SPAG17: variants seen among roughly 807,000 people sequenced by gnomAD.
The protein encoded by SPAG17 is sperm associated antigen 17, also known as sperm-associated antigen 17.
In SPAG17, 169 loss-of-function variants were observed where a neutral mutation model predicts 273.6. The observed-to-expected ratio is 0.62, with a 90% CI of 0.55 to 0.70. The LOEUF is 0.70. Ranked by LOEUF, SPAG17 falls within the 30% of genes least tolerant of loss-of-function variation. The pLI is 0.00. For synonymous variants in SPAG17, 825 were observed against 873.2 expected (o/e 0.94, Z 0.97); for missense variants, 2,557 against 2,627.8 (o/e 0.97, Z 0.59).
chr1:117,988,238 A>C, intron 38 of SPAG17, 34 bp from the exon 39 acceptor site: 2 of 1,474,034 alleles, frequency 1.4e-6, no homozygotes, highest in Non-Finnish European at 1.8e-6. Context: ...TTTTATCCCC[A>C]CTTCTTTATA....
chr1:118,006,529 A>G (rs934818666), intron 31 of SPAG17, among the ~76,000 whole-genome samples: 3 of 152,174 alleles, frequency 2.0e-5, no homozygotes, highest in Admixed American at 6.5e-5. Context: ...CAGTTTTGCT[A>G]TTATTAAAGA....
intron 10 of SPAG17, among the ~76,000 whole-genome samples, chr1:118,090,992 G>T (rs1318599975): frequency 1.3e-5 from 2 of 152,044 alleles, no homozygotes; most frequent in African/African-American, 2.4e-5. Flanking sequence ...CCAAATCCTG[G>T]TTCTTTGAAA....
At chr1:118,132,984 G>T (rs1412340641) in intron 3 of SPAG17, among the ~76,000 whole-genome samples, 1 of 152,040 alleles carries the variant, frequency 6.6e-6, no homozygotes, top group Non-Finnish European at 1.5e-5. Context: ...TGTTGGCCAG[G>T]ATGGTCTCGA....
At chr1:118,167,926 C>T (rs943650914) in intron 1 of SPAG17, among the ~76,000 whole-genome samples, 3 of 152,104 alleles carry the variant, frequency 2.0e-5, no homozygotes, top group Non-Finnish European at 2.9e-5. Context: ...AAGTGTGTGG[C>T]ATGGCATCTC....
chr1:118,053,470 T>C (rs1180904628), intron 20 of SPAG17, among the ~76,000 whole-genome samples: 3 of 152,024 alleles, frequency 2.0e-5, no homozygotes, highest in South Asian at 4.1e-4. Flanking sequence ...AAGGAATAAA[T>C]GGGTGCCTAA....
chr1:118,144,392 C>A lies in SPAG17; in HGVS notation c.315+6151G>T, dbSNP rs963082161. 2.0e-5 allele frequency among the ~76,000 whole-genome samples: 3 copies of A among 152,168 alleles called. No individual in the cohort carries two copies. In the East Asian group the frequency reaches 5.8e-4, roughly 29 times the overall value. ...GTAACTCTTCATAGCCCTTTGTAAC[C>A]GTTTCTAGCATTACTATTTCTCCTC... On this transcript the variant is annotated intron_variant, in intron 3 of 48. Transcript: ENST00000336338.
At chr1:118,101,488 G>A (rs1395265696) in intron 5 of SPAG17, among the ~76,000 whole-genome samples, 1 of 152,140 alleles carries the variant, frequency 6.6e-6, no homozygotes, top group African/African-American at 2.4e-5. Context: ...GGTGTCATGG[G>A]AGTAAGTGAT....
rs767349010 is a variant in SPAG17 at position 118,012,270 on chromosome 1, C to T, written c.4390G>A (p.Val1464Ile). 5.7e-5 allele frequency: 92 copies of T among 1,613,458 alleles called. No homozygotes were observed. Among genetic ancestry groups the T allele is most frequent in the Non-Finnish European group, 7.6e-5 (90 of 1,179,722 alleles). Reference sequence around the variant, plus strand: ...GGCAGAATAATTTGATCTTCATAAACTTGATAAAAGGTTGTGATTCTGGTA... The same window carrying T: ...GGCAGAATAATTTGATCTTCATAAATTTGATAAAAGGTTGTGATTCTGGTA... ...DGTRITTFYQ[V>I]YEDQIILPDD... Residue 1464 changes from valine (V) to isoleucine (I), a missense_variant, in exon 30 of 49, where the codon GTT (valine) becomes ATT (isoleucine). Val to Ile is a conservative substitution (Grantham distance 29, BLOSUM62 3). Transcript: ENST00000336338.
chr1:117,977,027 A>G (rs745550985), intron 43 of SPAG17, among the ~76,000 whole-genome samples: 1 of 152,108 alleles, frequency 6.6e-6, no homozygotes, highest in Non-Finnish European at 1.5e-5. Flanking sequence ...TAAAATATTC[A>G]GGCTGGGCAC....
At chr1:118,077,562 G>A (rs945929366) in intron 15 of SPAG17, among the ~76,000 whole-genome samples, 1 of 151,896 alleles carries the variant, frequency 6.6e-6, no homozygotes, top group Non-Finnish European at 1.5e-5. Flanking sequence ...ACAAAACAAA[G>A]AAAACACCTT....
At chr1:118,117,521 A>G (rs1393426487) in intron 3 of SPAG17, among the ~76,000 whole-genome samples, 2 of 152,248 alleles carry the variant, frequency 1.3e-5, no homozygotes, top group East Asian at 3.8e-4. Flanking sequence ...TCAAACAAAA[A>G]TCTGGCACAG....
intron 30 of SPAG17, among the ~76,000 whole-genome samples, chr1:118,010,253 G>A (rs1659335556): frequency 6.6e-6 from 1 of 151,740 alleles, no homozygotes. Flanking sequence ...AAAATGATAA[G>A]TACAAAGAAC....
intron 1 of SPAG17, among the ~76,000 whole-genome samples, chr1:118,157,596 A>G (rs1458549999): frequency 1.3e-5 from 2 of 152,112 alleles, no homozygotes; most frequent in African/African-American, 2.4e-5. Flanking sequence ...CTGCCAACAA[A>G]TGACTAGATT....
rs192173690 is a variant in SPAG17 at position 118,107,418 on chromosome 1, C to T, written c.448-5492G>A. 4.5e-4 allele frequency among the ~76,000 whole-genome samples: 69 copies of T among 152,276 alleles called. No individual in the cohort carries two copies. The Middle Eastern group carries it at 0.017, about 38-fold the overall frequency. On this transcript the variant is annotated intron_variant, in intron 4 of 48. Coordinates refer to ENST00000336338, the MANE Select transcript of SPAG17 (RefSeq NM_206996.4). ...TCCCATTCTTTTTGCCTTTGCATTC[C>T]TCTAGCAAGGCCAAACTTGGGAGAC... is the stretch of plus-strand genomic sequence containing the variant.
At chr1:118,066,460 G>T (rs1034408708) in intron 18 of SPAG17, among the ~76,000 whole-genome samples, 1 of 152,058 alleles carries the variant, frequency 6.6e-6, no homozygotes, top group African/African-American at 2.4e-5. Flanking sequence ...AGTTTTACTG[G>T]AATCTAAATG....
chr1:118,178,517 C>G (rs1268015366), intron 1 of SPAG17, among the ~76,000 whole-genome samples: 5 of 151,886 alleles, frequency 3.3e-5, no homozygotes, highest in Non-Finnish European at 7.4e-5. Context: ...CCTCTAAGAT[C>G]TGGAATAGGA....
chr1:118,053,877 C>T, intron 20 of SPAG17, 125 bp downstream of exon 20: 2 of 629,182 alleles, frequency 3.2e-6, no homozygotes, highest in Non-Finnish European at 2.7e-6. Context: ...CTCCAGCTTC[C>T]AGGAAGCCAT....
rs1651602589 is a variant in SPAG17, at chr1:118,055,775, G to C, written c.2680C>G (p.Leu894Val). The C allele has an allele frequency of 6.2e-7, 1 of 1,612,650 alleles. No homozygotes were observed. The highest frequency in any genetic ancestry group is 8.5e-7 in the Non-Finnish European group (1 of 1,179,596). Residue 894 changes from leucine to valine, a missense_variant, in exon 19 of 49, where the codon CTT becomes GTT. Transcript: ENST00000336338. ...GAAAAAATTTTGCTAGCAGAAGTAAGTTTGGCATTAGCAGAAGATTTCAAT... is the reference window on the plus strand; with the variant it reads ...GAAAAAATTTTGCTAGCAGAAGTAACTTTGGCATTAGCAGAAGATTTCAAT... Reference protein sequence around the residue: ...LELKSSANAKLTSASKIFSIK... With the variant: ...LELKSSANAKVTSASKIFSIK...
intron 3 of SPAG17, among the ~76,000 whole-genome samples, chr1:118,125,856 T>C (rs530902104): frequency 2.6e-5 from 4 of 152,316 alleles, no homozygotes; most frequent in African/African-American, 9.6e-5. Flanking sequence ...ATTTCTTTAA[T>C]ATACTGGTTT....
Sources: allele counts gnomAD v4.1 joint callset (sites outside exome capture counted in the v4.1 genomes callset), GRCh38; gene constraint gnomAD v4.1.1; transcripts MANE v1.5; gene names NCBI Gene and HGNC (gene_info 2026-07-23, HGNC 2026-07-21).